Variants in CNTNAP2 observed in about 807,000 individuals in gnomAD.
CNTNAP2 encodes the protein contactin-associated protein-like 2.
In CNTNAP2, 98 loss-of-function variants were observed where a neutral mutation model predicts 155.2. The observed-to-expected ratio is 0.63, with a 90% confidence interval of 0.54 to 0.75. The LOEUF is 0.75. Ranked by LOEUF, CNTNAP2 falls within the 30% of genes least tolerant of loss-of-function variation. The pLI, the probability that CNTNAP2 is intolerant of heterozygous loss-of-function variation, is 0.00. For missense variants in CNTNAP2, 1,727 were observed against 1,688.1 expected, an observed-to-expected ratio of 1.02 and a Z score of -0.40; for synonymous variants, 651 against 631.2, an observed-to-expected ratio of 1.03 and a Z score of -0.47.
At chr7:146,627,719 A>G (rs1363880915) in intron 1 of CNTNAP2, among the ~76,000 whole-genome samples, 2 of 152,182 alleles carry the variant, frequency 1.3e-5, no homozygotes, top group South Asian at 2.1e-4. Context: ...AGTTTGAATT[A>G]CAGTTATAAT....
Position 147,639,254 on chromosome 7 carries a change from C to G in CNTNAP2, c.2046C>G (p.Cys682Trp), listed in dbSNP as rs201076428. 2 of 1,614,102 alleles carry G rather than the reference C, an allele frequency of 1.2e-6. No individual in the cohort carries two copies. Among genetic ancestry groups the G allele is most frequent in the South Asian group, 2.2e-5 (2 of 91,078 alleles). ...CCATCACTGACAGTGCCGAGTACTG[C>G]GAGCAGTATGTCTCCTATTTCTGCA... ...ISAITDSAEY[C>W]EQYVSYFCKM... is the part of the protein sequence containing the mutation. Residue 682 changes from cysteine to tryptophan, a missense_variant, in exon 13 of 24, where the codon TGC (cysteine) becomes TGG (tryptophan). Transcript: ENST00000361727.
chr7:147,678,958 T>C (rs1207367407), intron 13 of CNTNAP2, among the ~76,000 whole-genome samples: 3 of 151,922 alleles, frequency 2.0e-5, no homozygotes, highest in Admixed American at 6.6e-5. Flanking sequence ...ATGCTACACA[T>C]TGAGCCTCAC....
rs547333001 is a variant in CNTNAP2, at chr7:146,261,199, T to C, written c.97+144226T>C. On this transcript the variant is annotated intron_variant, in intron 1 of 23. Transcript: ENST00000361727. ...GAACTGTGAGTCAATTAAACCTCTTTTGTTTGTAAATTACCCAGTGTCAGG... is the reference window on the plus strand; with the variant it reads ...GAACTGTGAGTCAATTAAACCTCTTCTGTTTGTAAATTACCCAGTGTCAGG... Among the ~76,000 whole-genome samples, 432 of 152,290 alleles carry C rather than the reference T, an allele frequency of 2.8e-3. 1 individual carries two copies. Among genetic ancestry groups the C allele is most frequent in the Non-Finnish European group, 4.4e-3 (300 of 68,016 alleles).
At chr7:146,372,621 G>C (rs1350263578) in intron 1 of CNTNAP2, among the ~76,000 whole-genome samples, 1 of 152,054 alleles carries the variant, frequency 6.6e-6, no homozygotes, top group Non-Finnish European at 1.5e-5. Flanking sequence ...GCGAGTAAGA[G>C]GCGAGTAAGA....
intron 9 of CNTNAP2, among the ~76,000 whole-genome samples, chr7:147,390,192 A>G (rs1796686509): frequency 6.6e-6 from 1 of 152,206 alleles, no homozygotes; most frequent in African/African-American, 2.4e-5. Flanking sequence ...CTCATTGTTG[A>G]CTAAGGGAAC....
chr7:148,033,930 G>T (rs919472213), intron 15 of CNTNAP2, among the ~76,000 whole-genome samples: 8 of 152,030 alleles, frequency 5.3e-5, no homozygotes, highest in African/African-American at 1.7e-4. Context: ...CTTTCAAGGA[G>T]AAACAGGTAG....
chr7:146,343,113 TG>T (rs1794760490), intron 1 of CNTNAP2, among the ~76,000 whole-genome samples: 1 of 152,174 alleles, frequency 6.6e-6, no homozygotes, highest in South Asian at 2.1e-4. Context: ...TTTTCTGCTC[TG>T]GGCTATATAT....
chr7:147,790,644 A>C (rs773310075), intron 13 of CNTNAP2, among the ~76,000 whole-genome samples: 1 of 152,214 alleles, frequency 6.6e-6, no homozygotes, highest in African/African-American at 2.4e-5. Context: ...ATGCTATTCT[A>C]TGTTTGCATG....
chr7:148,124,709 T>C (rs1804676858), intron 16 of CNTNAP2, among the ~76,000 whole-genome samples: 1 of 152,236 alleles, frequency 6.6e-6, no homozygotes, highest in South Asian at 2.1e-4. Flanking sequence ...GCAAGTTTTA[T>C]ACACATTTTA....
intron 13 of CNTNAP2, among the ~76,000 whole-genome samples, chr7:147,885,514 C>G (rs912646195): frequency 6.6e-6 from 1 of 152,104 alleles, no homozygotes; most frequent in Non-Finnish European, 1.5e-5. Context: ...CAGAACTCCA[C>G]CCCCCGCCAC....
At chr7:146,881,724 G>C (rs549079043) in intron 3 of CNTNAP2, among the ~76,000 whole-genome samples, 1 of 142,592 alleles carries the variant, frequency 7.0e-6, no homozygotes, top group South Asian at 2.3e-4. Flanking sequence ...TATGATCTCT[G>C]TCACTTGTGC....
rs114449852 is a variant in CNTNAP2 at position 147,034,443 on chromosome 7, T to A, written c.403-9464T>A. 6.5e-3 allele frequency among the ~76,000 whole-genome samples: 989 copies of A among 152,134 alleles called. 16 individuals carry two copies. Among genetic ancestry groups the A allele is most frequent in the African/African-American group, 0.022 (922 of 41,490 alleles). On this transcript the variant is annotated intron_variant, in intron 3 of 23. Transcript: ENST00000361727. The stretch of plus-strand genomic sequence containing the variant: ...ATGGAGCTCAAACCCCATGGCGGTG[T>A]CTAGGGTTTAGTGTTTACAGCTCCT...
chr7:147,135,782 TAAAA>T lies in CNTNAP2; in HGVS notation c.1348+3283_1348+3286del, dbSNP rs58906795. ...ATTTTCTTTTCTTTTGCTTTATTCT[TAAAA>T]AAAAAAAAAGCCATAACCCACTATA... is the stretch of plus-strand genomic sequence containing the variant. On this transcript the variant is annotated intron_variant, in intron 8 of 23. Transcript: ENST00000361727. 2.8e-5 allele frequency among the ~76,000 whole-genome samples: 4 copies of T among 141,332 alleles called. No homozygotes were observed. In the East Asian group the frequency reaches 8.3e-4, roughly 29 times the overall value. 92.7% of individuals were successfully genotyped at this position (141,332 alleles called of 152,430 possible).
chr7:147,369,437 C>T (rs1796304301), intron 9 of CNTNAP2, among the ~76,000 whole-genome samples: 1 of 152,236 alleles, frequency 6.6e-6, no homozygotes, highest in Non-Finnish European at 1.5e-5. Flanking sequence ...CCCTCTTCCT[C>T]TCCTACTACA....
intron 11 of CNTNAP2, among the ~76,000 whole-genome samples, chr7:147,537,211 T>C (rs1649908432): frequency 6.6e-6 from 1 of 152,006 alleles, no homozygotes; most frequent in Non-Finnish European, 1.5e-5. Context: ...GTCTCAGACT[T>C]TCACACTCTT....
intron 1 of CNTNAP2, among the ~76,000 whole-genome samples, chr7:146,553,083 T>C (rs1584978493): frequency 6.6e-6 from 1 of 152,134 alleles, no homozygotes; most frequent in Non-Finnish European, 1.5e-5. Flanking sequence ...AGAAAGCTCT[T>C]TGAGACATGT....
At chr7:147,325,909 C>T (rs1229512920) in intron 9 of CNTNAP2, among the ~76,000 whole-genome samples, 1 of 152,056 alleles carries the variant, frequency 6.6e-6, no homozygotes, top group African/African-American at 2.4e-5. Context: ...CTCCAGCCTC[C>T]ACTAACCAGC....
intron 3 of CNTNAP2, among the ~76,000 whole-genome samples, chr7:146,902,499 A>C (rs1796024565): frequency 6.6e-6 from 1 of 152,226 alleles, no homozygotes; most frequent in Non-Finnish European, 1.5e-5. Context: ...TTTCCACCAC[A>C]TTGTAATCTT....
intron 19 of CNTNAP2, among the ~76,000 whole-genome samples, chr7:148,223,870 G>T (rs903265588): frequency 6.6e-6 from 1 of 152,218 alleles, no homozygotes; most frequent in Admixed American, 6.5e-5. Context: ...GGAACATAAA[G>T]GGGCCAGTGA....
Sources: gnomAD v4.1 joint callset for allele counts (sites outside exome capture counted in the v4.1 genomes callset) on GRCh38, gnomAD v4.1.1 for gene constraint, MANE v1.5 for transcripts, NCBI Gene and HGNC (gene_info 2026-07-23, HGNC 2026-07-21) for gene names.